Variants in LGSN observed in about 807,000 individuals in gnomAD.
LGSN encodes lengsin.
LGSN carries 21 observed loss-of-function variants against 19.5 expected under a neutral mutation model. The observed-to-expected ratio is 1.07, with a 90% confidence interval of 0.76 to 1.55. The LOEUF is 1.55. Among genes scored for constraint, LGSN ranks in the 40% most tolerant of loss-of-function variants. The pLI, the probability that LGSN is intolerant of heterozygous loss-of-function variation, is 0.00. For missense variants in LGSN, 673 were observed against 608.5 expected (o/e 1.11, Z -1.12); for synonymous variants, 257 against 215.6 (o/e 1.19, Z -1.68).
At chr6:63,464,151 A>C in the LGSN span, among the ~76,000 whole-genome samples, 1 of 152,132 alleles carries the variant, frequency 6.6e-6, no homozygotes, top group African/African-American at 2.4e-5. Flanking sequence ...CTAATTAAAA[A>C]AAAAAATAAG....
the LGSN span, among the ~76,000 whole-genome samples, chr6:63,470,933 C>CTTTTT: frequency 1.1e-3 from 84 of 73,062 alleles, no homozygotes; most frequent in African/African-American, 1.5e-3. Context: ...TTCAGTCTTT[C>CTTTTT]TTTTTTTTTT....
intron 3 of LGSN, among the ~76,000 whole-genome samples, chr6:63,284,555 G>C (rs972281653): frequency 4.6e-5 from 7 of 152,140 alleles, no homozygotes; most frequent in Non-Finnish European, 7.4e-5. Flanking sequence ...ATTAAAATTT[G>C]ACAAAAACTG....
At chr6:63,379,183 C>T in the LGSN span, among the ~76,000 whole-genome samples, 3 of 151,958 alleles carry the variant, frequency 2.0e-5, no homozygotes, top group African/African-American at 4.8e-5. Flanking sequence ...AAATGCCCCC[C>T]CCTTTTTTTT....
intron 1 of LGSN, among the ~76,000 whole-genome samples, chr6:63,314,178 G>C (rs957581030): frequency 6.6e-6 from 1 of 152,178 alleles, no homozygotes; most frequent in African/African-American, 2.4e-5. Flanking sequence ...TTAGGAGGTA[G>C]AGCCTTCGAG....
At chr6:63,376,405 CTTTCTA>C in the LGSN span, among the ~76,000 whole-genome samples, 1 of 152,166 alleles carries the variant, frequency 6.6e-6, no homozygotes, top group African/African-American at 2.4e-5. Context: ...TTAATCAATA[CTTTCTA>C]TTTATTCAGA....
At chr6:63,444,687 A>T in the LGSN span, among the ~76,000 whole-genome samples, 1 of 152,148 alleles carries the variant, frequency 6.6e-6, no homozygotes, top group Non-Finnish European at 1.5e-5. Flanking sequence ...CTAACATTCC[A>T]CCGTTAACAT....
At chr6:63,371,813 T>C in the LGSN span, among the ~76,000 whole-genome samples, 1 of 152,246 alleles carries the variant, frequency 6.6e-6, no homozygotes, top group African/African-American at 2.4e-5. Flanking sequence ...TGTGGGCTAA[T>C]AATGGGAGAA....
At chr6:63,352,682 G>GACAC in the LGSN span, among the ~76,000 whole-genome samples, 57 of 145,056 alleles carry the variant, frequency 3.9e-4, no homozygotes, top group South Asian at 5.1e-3. Context: ...CACACACACA[G>GACAC]ACACACACAC....
the LGSN span, among the ~76,000 whole-genome samples, chr6:63,432,145 GAAAGAAAGAAAGAAAGAAAGAAAGAAAA>G: frequency 1.7e-3 from 185 of 108,270 alleles, 5 homozygotes; most frequent in African/African-American, 6.8e-3. Flanking sequence ...AAGAAAGAAA[GAAAGAAAGAAAGAAAGAAAGAAAGAAAA>G]GGAAAGAAAG....
the LGSN span, among the ~76,000 whole-genome samples, chr6:63,353,588 CAAAAAA>C: frequency 2.7e-5 from 2 of 74,168 alleles, no homozygotes; most frequent in African/African-American, 4.3e-5. Flanking sequence ...CAGTTTGTAG[CAAAAAA>C]AAAAAAAAAA....
At chr6:63,325,344 T>C in the LGSN span, among the ~76,000 whole-genome samples, 2 of 151,860 alleles carry the variant, frequency 1.3e-5, no homozygotes, top group Non-Finnish European at 2.9e-5. Context: ...CATTAATAAA[T>C]CCCTAGCTAG....
chr6:63,482,472 TA>T, the LGSN span, among the ~76,000 whole-genome samples: 1 of 152,196 alleles, frequency 6.6e-6, no homozygotes, highest in African/African-American at 2.4e-5. Flanking sequence ...CTCACGCCTA[TA>T]ATCCCAACAT....
At chr6:63,512,482 A>G in the LGSN span, among the ~76,000 whole-genome samples, 1 of 152,146 alleles carries the variant, frequency 6.6e-6, no homozygotes, top group Non-Finnish European at 1.5e-5. Flanking sequence ...AAGACCTAGA[A>G]TCATTATCTT....
At chr6:63,370,633 T>TCTCCTCACCCAGAAATCACTGGTGCC in the LGSN span, among the ~76,000 whole-genome samples, 1 of 152,158 alleles carries the variant, frequency 6.6e-6, no homozygotes, top group Non-Finnish European at 1.5e-5. Context: ...TCAAAGATGC[T>TCTCCTCACCCAGAAATCACTGGTGCC]CTCCTCACCC....
At chr6:63,305,318 C>T (rs116106993) in intron 1 of LGSN, among the ~76,000 whole-genome samples, 5,049 of 152,176 alleles carry the variant, frequency 0.033, 287 homozygotes, top group African/African-American at 0.12. Context: ...GAATTTGAGA[C>T]CAAATAAGTC....
chr6:63,509,622 T>G, the LGSN span, among the ~76,000 whole-genome samples: 1 of 152,208 alleles, frequency 6.6e-6, no homozygotes, highest in South Asian at 2.1e-4. Flanking sequence ...GAAAATTTCG[T>G]TATAAAGGAT....
chr6:63,554,519 C>T, the LGSN span, among the ~76,000 whole-genome samples: 75 of 152,240 alleles, frequency 4.9e-4, no homozygotes, highest in Admixed American at 4.5e-3. Context: ...TAATTTAGGC[C>T]GGGCACGGTG....
intron 1 of LGSN, among the ~76,000 whole-genome samples, chr6:63,296,146 T>C (rs1322070785): frequency 6.6e-6 from 1 of 152,188 alleles, no homozygotes; most frequent in Non-Finnish European, 1.5e-5. Context: ...CTTGCTTATA[T>C]GTAATTATGA....
intron 3 of LGSN, among the ~76,000 whole-genome samples, chr6:63,283,519 T>C (rs1205023969): frequency 6.6e-6 from 1 of 152,040 alleles, no homozygotes; most frequent in Non-Finnish European, 1.5e-5. Context: ...ATCTGCCCTT[T>C]TGATTGATAG....
Sources: allele counts gnomAD v4.1 joint callset (sites outside exome capture counted in the v4.1 genomes callset), GRCh38; gene constraint gnomAD v4.1.1; transcripts MANE v1.5; gene names NCBI Gene and HGNC (gene_info 2026-07-23, HGNC 2026-07-21).